The following GALC variants were observed in gnomAD, a reference collection of about 807,000 sequenced individuals.
GALC encodes the protein galactocerebrosidase.
A neutral mutation model predicts 91.8 loss-of-function variants in GALC; 77 were observed. The observed-to-expected ratio is 0.84, with a 90% CI of 0.70 to 1.01. GALC has a LOEUF of 1.01. Ranked by LOEUF, GALC falls within the 50% of genes least tolerant of loss-of-function variation. GALC has a pLI of 0.00. For missense variants in GALC, 882 were observed against 855.9 expected (o/e 1.03, Z -0.38); for synonymous variants, 357 against 306.7 (o/e 1.16, Z -1.71).
intron 7 of GALC, among the ~76,000 whole-genome samples, chr14:87,971,592 T>A (rs929907162): frequency 7.2e-5 from 11 of 152,162 alleles, no homozygotes; most frequent in African/African-American, 2.4e-4. Flanking sequence ...ATGGAGAACA[T>A]AATTTTAATG....
At chr14:87,939,367 C>A (rs571767541) in intron 16 of GALC, among the ~76,000 whole-genome samples, 1 of 151,806 alleles carries the variant, frequency 6.6e-6, no homozygotes, top group Non-Finnish European at 1.5e-5. Flanking sequence ...TTTATCTGCA[C>A]AGCATCCCTT....
intron 12 of GALC, among the ~76,000 whole-genome samples, chr14:87,948,591 T>C (rs1260558794): frequency 1.3e-5 from 2 of 151,092 alleles, no homozygotes; most frequent in East Asian, 3.9e-4. Context: ...GGAATCCTTT[T>C]ATGAAATTTG....
intron 10 of GALC, among the ~76,000 whole-genome samples, chr14:87,960,874 AATAC>A (rs1475397663): frequency 4.6e-5 from 7 of 152,218 alleles, no homozygotes; most frequent in African/African-American, 1.7e-4. Context: ...CTCTTAAAGG[AATAC>A]ATAAATATAA....
At chr14:87,978,506 G>A (rs1886601893) in intron 6 of GALC, among the ~76,000 whole-genome samples, 1 of 152,146 alleles carries the variant, frequency 6.6e-6, no homozygotes, top group South Asian at 2.1e-4. Flanking sequence ...AAATTTACAA[G>A]TCTACATGCT....
chr14:87,933,189 T>A lies in GALC; in HGVS notation c.*1543A>T, dbSNP rs1302908437. ...GATGGAAAGAAACCATTCATAAGAA[T>A]ACACAGTACATGACGCCGCTTTCAT... On this transcript the variant is annotated 3_prime_UTR_variant, in exon 17 of 17. Coordinates refer to ENST00000261304, the MANE Select transcript of GALC (RefSeq NM_000153.4). The A allele has an allele frequency of 1.3e-5, 2 of 152,366 alleles. No individual in the cohort carries two copies. Among genetic ancestry groups the A allele is most frequent in the African/African-American group, 4.8e-5 (2 of 41,428 alleles). 9.4% of individuals were successfully genotyped at this position (152,366 alleles called of 1,614,324 possible). A position where few individuals can be genotyped will look rare whatever the true frequency, so the allele number is the denominator to read the frequency against.
chr14:87,978,392 T>C (rs552202816), intron 6 of GALC, among the ~76,000 whole-genome samples: 1 of 152,232 alleles, frequency 6.6e-6, no homozygotes, highest in African/African-American at 2.4e-5. Flanking sequence ...TTAGTCAAAT[T>C]TGCATTTTTC....
chr14:87,962,578 TACACACACACACACAC>T (rs36205603), intron 10 of GALC, among the ~76,000 whole-genome samples: 32,499 of 146,452 alleles, frequency 0.22, 4,288 homozygotes, highest in Non-Finnish European at 0.31. Flanking sequence ...CCTGATATGA[TACACACACACACACAC>T]ACACACACAC....
chr14:87,945,667 T>G lies in GALC; in HGVS notation c.1556A>C (p.Asn519Thr). ...GTGATGCTCGCCAGGGTCTTCAATA[T>G]TTGTAAAATATTCAAATACACCAGT... ...DQTGVFEYFT[N>T]IEDPGEHHFT... The change falls in exon 14 of 17, where the codon AAT becomes ACT. Residue 519 changes from asparagine to threonine, a missense_variant. Coordinates refer to ENST00000261304, the MANE Select transcript of GALC (RefSeq NM_000153.4). The G allele has an allele frequency of 6.2e-7, 1 of 1,612,224 alleles. No homozygotes were observed. Among genetic ancestry groups the G allele is most frequent in the Non-Finnish European group, 8.5e-7 (1 of 1,178,700 alleles).
At chr14:87,970,721 T>C (rs1886256073) in intron 7 of GALC, among the ~76,000 whole-genome samples, 2 of 148,364 alleles carry the variant, frequency 1.3e-5, no homozygotes, top group African/African-American at 5.0e-5. Flanking sequence ...AAAAAAAAAT[T>C]AGCCAGGCGT....
chr14:87,949,343 C>T (rs936582347), intron 12 of GALC, among the ~76,000 whole-genome samples: 2 of 151,946 alleles, frequency 1.3e-5, no homozygotes, highest in African/African-American at 4.8e-5. Context: ...ATGTGCTACA[C>T]TAAGGAATGT....
intron 7 of GALC, among the ~76,000 whole-genome samples, chr14:87,973,284 C>T (rs1193251216): frequency 1.3e-5 from 2 of 152,118 alleles, no homozygotes; most frequent in East Asian, 1.9e-4. Context: ...CTTCTGATAT[C>T]CAAGAAAATG....
intron 1 of GALC, among the ~76,000 whole-genome samples, chr14:87,990,189 G>A (rs1172948008): frequency 6.6e-6 from 1 of 152,082 alleles, no homozygotes; most frequent in African/African-American, 2.4e-5. Flanking sequence ...TTAAGGACAT[G>A]GACTGTATCT....
rs960454772 is a variant in GALC at position 87,976,345 on chromosome 14, A to T, written c.752+13T>A. The T allele has an allele frequency of 2.5e-6, 4 of 1,613,784 alleles. No homozygotes were observed. The highest frequency in any genetic ancestry group is 3.4e-6 in the Non-Finnish European group (4 of 1,179,942). On this transcript the variant is annotated intron_variant, in intron 7 of 16. Transcript: ENST00000261304. The stretch of plus-strand genomic sequence containing the variant: ...TCAGAAACTGCTAGTTTTCCAAGTA[A>T]AACATGCCTTACCCTATAACATCAA...
chr14:87,982,586 T>C (rs1307516954), intron 5 of GALC, among the ~76,000 whole-genome samples: 2 of 152,152 alleles, frequency 1.3e-5, no homozygotes, highest in African/African-American at 2.4e-5. Flanking sequence ...GGAGAACTAA[T>C]AGACAGGGAA....
intron 13 of GALC, among the ~76,000 whole-genome samples, chr14:87,947,083 CCT>C (rs1380336585): frequency 1.3e-5 from 2 of 151,916 alleles, no homozygotes; most frequent in African/African-American, 4.8e-5. Context: ...GCCACCTGAC[CCT>C]GTCTGTGAGA....
chr14:87,979,144 C>G (rs1886636664), intron 6 of GALC, among the ~76,000 whole-genome samples: 2 of 152,124 alleles, frequency 1.3e-5, no homozygotes, highest in Non-Finnish European at 2.9e-5. Context: ...TCTGCCTCAG[C>G]CTCCCAAGTA....
At position 87,934,023 on chromosome 14, in the gene GALC, T is replaced by G. The variant is rs45572135; in HGVS notation, c.*709A>C. Reference sequence around the variant, plus strand: ...ACCTGGAAAAACGTTCACAGAGAGTTATAGTGGTTACAAGACCAAAACTTG... The same window carrying G: ...ACCTGGAAAAACGTTCACAGAGAGTGATAGTGGTTACAAGACCAAAACTTG... On this transcript the variant is annotated 3_prime_UTR_variant, in exon 17 of 17. Coordinates refer to ENST00000261304, the MANE Select transcript of GALC (RefSeq NM_000153.4). 111,871 of 1,534,004 alleles carry G rather than the reference T, an allele frequency of 0.073. 4,644 individuals carry two copies. Among genetic ancestry groups the G allele is most frequent in the Non-Finnish European group, 0.084 (96,160 of 1,145,550 alleles).
At position 87,963,443 on chromosome 14, in the gene GALC, C is replaced by A. The variant is rs1410766358; in HGVS notation, c.1102G>T (p.Gly368Ter). ...LKTVGHLEKG[G>*]SYVALTDGLG... ...CCATCAGTCAGAGCTACGTAGCTTC[C>A]TCCTTTCTCTAAATGGCCAACTGTC... Residue 368 changes from glycine to a stop codon, truncating the protein, a stop_gained, in exon 10 of 17, where the codon GGA (glycine) becomes TGA (stop). Transcript: ENST00000261304. LOFTEE classifies it high-confidence loss of function. 2 of 1,613,218 alleles carry A rather than the reference C, an allele frequency of 1.2e-6. No individual in the cohort carries two copies. Among genetic ancestry groups the A allele is most frequent in the South Asian group, 2.2e-5 (2 of 91,058 alleles).
At chr14:87,950,854 T>C (rs534783618) in intron 10 of GALC, 106 bp from the exon 11 acceptor site, 2 of 673,198 alleles carry the variant, frequency 3.0e-6, no homozygotes, top group South Asian at 1.7e-5. Flanking sequence ...TTACATATAC[T>C]AGATAACAAA....
Sources: gnomAD v4.1 joint callset for allele counts (sites outside exome capture counted in the v4.1 genomes callset) on GRCh38, gnomAD v4.1.1 for gene constraint, MANE v1.5 for transcripts, NCBI Gene and HGNC (gene_info 2026-07-23, HGNC 2026-07-21) for gene names.